The following SLCO6A1 variants were observed in gnomAD, a reference collection of about 807,000 sequenced individuals.
SLCO6A1 encodes solute carrier organic anion transporter family member 6A1, also known as cancer/testis antigen 48.
Under a neutral mutation model 72.7 loss-of-function variants are expected in SLCO6A1, and 65 were observed. The observed-to-expected ratio is 0.89, with a 90% CI of 0.73 to 1.10. The LOEUF is 1.10. Ranked by LOEUF, SLCO6A1 falls within the 50% of genes least tolerant of loss-of-function variation. The probability of loss-of-function intolerance (pLI) is 0.00; values close to 1 mark genes in which losing one functional copy is unlikely to be tolerated. For missense variants in SLCO6A1, 874 were observed against 872.6 expected (o/e 1.00, Z -0.02); for synonymous variants, 314 against 298.2 (o/e 1.05, Z -0.55).
intron 6 of SLCO6A1, among the ~76,000 whole-genome samples, chr5:102,446,430 A>G (rs1750111851): frequency 6.6e-6 from 1 of 152,194 alleles, no homozygotes; most frequent in African/African-American, 2.4e-5. Flanking sequence ...GTACCCTGAA[A>G]CTTTGCTGAA....
intron 10 of SLCO6A1, among the ~76,000 whole-genome samples, chr5:102,392,038 A>T (rs1398852414): frequency 6.6e-6 from 1 of 151,868 alleles, no homozygotes; most frequent in African/African-American, 2.4e-5. Flanking sequence ...TTTTAAATAA[A>T]CTCAATACTT....
chr5:102,383,096 A>ATGTGTGTGTG (rs1561414929), intron 12 of SLCO6A1, among the ~76,000 whole-genome samples: 1 of 35,882 alleles, frequency 2.8e-5, no homozygotes, highest in African/African-American at 8.6e-5. Context: ...ATGTGTGTGA[A>ATGTGTGTGTG]TATATATATA....
chr5:102,485,253 AAAAT>A lies in SLCO6A1; in HGVS notation c.359-4823_359-4820del, dbSNP rs71620660. ...GCAACAAGAGCGAAACTCCATCTCA[AAAAT>A]AAATAAATAAATAAATAAATAAATA... On this transcript the variant is annotated intron_variant, in intron 1 of 13. Transcript: ENST00000506729. 4.2e-3 allele frequency among the ~76,000 whole-genome samples: 614 copies of A among 145,274 alleles called. 3 individuals are homozygous for A. The highest frequency in any genetic ancestry group is 0.01 in the Middle Eastern group (3 of 286).
intron 12 of SLCO6A1, among the ~76,000 whole-genome samples, chr5:102,382,528 T>C (rs747807290): frequency 3.0e-4 from 45 of 151,592 alleles, no homozygotes; most frequent in Middle Eastern, 3.2e-3. Context: ...AAAAATGTCA[T>C]TGGGATTTTG....
intron 4 of SLCO6A1, among the ~76,000 whole-genome samples, chr5:102,462,216 A>C (rs1370796745): frequency 1.3e-5 from 2 of 152,192 alleles, no homozygotes; most frequent in African/African-American, 2.4e-5. Context: ...ACTACAAAGC[A>C]CTGCTGAAAT....
intron 10 of SLCO6A1, among the ~76,000 whole-genome samples, chr5:102,397,413 T>C (rs1747148218): frequency 6.6e-6 from 1 of 152,200 alleles, no homozygotes; most frequent in Admixed American, 6.6e-5. Flanking sequence ...TTCCTCTGCC[T>C]CTCCAAATAT....
intron 7 of SLCO6A1, among the ~76,000 whole-genome samples, chr5:102,432,627 G>C (rs1749281626): frequency 6.6e-6 from 1 of 152,126 alleles, no homozygotes; most frequent in South Asian, 2.1e-4. Context: ...GGTCTAGCTT[G>C]TAGGGTTCCT....
intron 12 of SLCO6A1, among the ~76,000 whole-genome samples, chr5:102,383,740 T>A (rs1746252098): frequency 6.6e-6 from 1 of 151,854 alleles, no homozygotes; most frequent in Admixed American, 6.6e-5. Flanking sequence ...TCCTTTCTCT[T>A]CAATTTTTTA....
Position 102,480,252 on chromosome 5 carries a change from T to C in SLCO6A1, c.541A>G (p.Ile181Val), listed in dbSNP as rs1561495957. ...GCACATAAAAGTGATCCAAGTCCTATTAAAAAGGAGGAAGCTACAAACCAT... is the reference window on the plus strand; with the variant it reads ...GCACATAAAAGTGATCCAAGTCCTACTAAAAAGGAGGAAGCTACAAACCAT... ...VIWFVASSFL[I>V]GLGSLLCAFP... The change falls in exon 2 of 14, where the codon ATA becomes GTA. Residue 181 changes from isoleucine to valine, a missense_variant. Physicochemically the swap from Ile to Val is conservative, Grantham distance 29. Coordinates refer to ENST00000506729, the MANE Select transcript of SLCO6A1 (RefSeq NM_173488.5). The C allele has an allele frequency of 1.2e-6, 2 of 1,613,156 alleles. No homozygotes were observed. The highest frequency in any genetic ancestry group is 1.7e-6 in the Non-Finnish European group (2 of 1,179,426).
intron 8 of SLCO6A1, among the ~76,000 whole-genome samples, chr5:102,414,941 T>TA (rs1224071802): frequency 0.03 from 4,433 of 149,358 alleles, 103 homozygotes; most frequent in Non-Finnish European, 0.044. Flanking sequence ...ATAAATAAAT[T>TA]AATTAATAAG....
intron 1 of SLCO6A1, among the ~76,000 whole-genome samples, chr5:102,485,725 A>G (rs1444796239): frequency 6.6e-6 from 1 of 152,152 alleles, no homozygotes; most frequent in Non-Finnish European, 1.5e-5. Context: ...CTTTTCCCTC[A>G]GCTGATTTTA....
intron 6 of SLCO6A1, among the ~76,000 whole-genome samples, chr5:102,441,470 G>T (rs766631195): frequency 1.3e-5 from 2 of 151,974 alleles, no homozygotes; most frequent in African/African-American, 4.8e-5. Context: ...TTACTACAGT[G>T]GTTTTTCTAG....
At chr5:102,475,554 T>C in intron 4 of SLCO6A1, 143 bp downstream of exon 4, 1 of 515,426 alleles carries the variant, frequency 1.9e-6, no homozygotes, top group Non-Finnish European at 3.4e-6. Context: ...TGTACAAATA[T>C]GTGCATATGT....
chr5:102,481,761 G>A (rs1197497482), intron 1 of SLCO6A1, among the ~76,000 whole-genome samples: 2 of 152,150 alleles, frequency 1.3e-5, no homozygotes, highest in African/African-American at 4.8e-5. Flanking sequence ...TCCCAAAAAA[G>A]AGAGGTACAC....
At chr5:102,377,048 T>C (rs1745836216) in intron 12 of SLCO6A1, among the ~76,000 whole-genome samples, 1 of 151,990 alleles carries the variant, frequency 6.6e-6, no homozygotes, top group South Asian at 2.1e-4. Context: ...CCTGTAATTC[T>C]AGCTGCTCTG....
At chr5:102,425,569 T>C (rs1263429802) in intron 7 of SLCO6A1, among the ~76,000 whole-genome samples, 1 of 152,034 alleles carries the variant, frequency 6.6e-6, no homozygotes, top group Non-Finnish European at 1.5e-5. Flanking sequence ...ACAAGGGATG[T>C]GAAGAACTTC....
rs149947640 is a variant in SLCO6A1 at position 102,388,973 on chromosome 5, T to C, written c.1880-148A>G. 318 of 740,016 alleles carry C rather than the reference T, an allele frequency of 4.3e-4. 2 individuals carry two copies. In the African/African-American group the frequency reaches 5.3e-3, roughly 12 times the overall value. 45.8% of individuals were successfully genotyped at this position (740,016 alleles called of 1,614,324 possible). Reference sequence around the variant, plus strand: ...GCTAATAATTTATTTATAAATAGGATTGTTAATCACTGGAAACAATGTGAG... The same window carrying C: ...GCTAATAATTTATTTATAAATAGGACTGTTAATCACTGGAAACAATGTGAG... On this transcript the variant is annotated intron_variant, in intron 11 of 13. Coordinates refer to ENST00000506729, the MANE Select transcript of SLCO6A1 (RefSeq NM_173488.5).
intron 4 of SLCO6A1, among the ~76,000 whole-genome samples, chr5:102,469,166 A>C (rs1039986141): frequency 2.0e-5 from 3 of 151,500 alleles, no homozygotes; most frequent in Non-Finnish European, 4.4e-5. Context: ...GTTTCACATG[A>C]AGTTTAAAGT....
At chr5:102,479,729 C>T (rs1469327633) in intron 2 of SLCO6A1, among the ~76,000 whole-genome samples, 1 of 152,094 alleles carries the variant, frequency 6.6e-6, no homozygotes, top group Non-Finnish European at 1.5e-5. Flanking sequence ...CTTCCCACTC[C>T]CTACATGTAC....
Sources: allele counts gnomAD v4.1 joint callset (sites outside exome capture counted in the v4.1 genomes callset), GRCh38; gene constraint gnomAD v4.1.1; transcripts MANE v1.5; gene names NCBI Gene and HGNC (gene_info 2026-07-23, HGNC 2026-07-21).